Variants in FAM184A observed in about 807,000 individuals in gnomAD.
The protein encoded by FAM184A is family with sequence similarity 184 member A, also known as protein FAM184A.
In FAM184A, 99 loss-of-function variants were observed where a neutral mutation model predicts 143.8. That is an observed-to-expected ratio of 0.69 (90% CI 0.58 to 0.81). FAM184A has a LOEUF of 0.81. FAM184A is among the 40% of genes least tolerant of loss of function. FAM184A has a pLI of 0.00. For missense variants in FAM184A, 1,217 were observed against 1,310.5 expected, an observed-to-expected ratio of 0.93 and a Z score of 1.10; for synonymous variants, 427 against 446.4, an observed-to-expected ratio of 0.96 and a Z score of 0.55.
At chr6:119,085,197 T>G (rs1245080075) in intron 1 of FAM184A, among the ~76,000 whole-genome samples, 1 of 152,242 alleles carries the variant, frequency 6.6e-6, no homozygotes, top group Non-Finnish European at 1.5e-5. Flanking sequence ...ATGCTCTGTT[T>G]CCCTTTTAAA....
chr6:119,014,646 A>C (rs921590912), intron 5 of FAM184A, among the ~76,000 whole-genome samples: 1 of 152,256 alleles, frequency 6.6e-6, no homozygotes, highest in African/African-American at 2.4e-5. Flanking sequence ...ATTATGGCTT[A>C]TATGAAGTAG....
rs753698062 is a variant in FAM184A, at chr6:119,003,661, A to G, written c.1816-39T>C. ...ACTTTTCAATGAAGACTAAACTTCA[A>G]AAACAAACACTGCTGGTTATTTTAA... On this transcript the variant is annotated intron_variant, in intron 7 of 17. Transcript: ENST00000338891. 4 of 1,564,688 alleles carry G rather than the reference A, an allele frequency of 2.6e-6. No homozygotes were observed. In the Admixed American group the frequency reaches 5.8e-5, roughly 23 times the overall value.
rs763022397 is a variant in FAM184A, at chr6:118,964,773, T to C, written c.3034-2A>G. 1.3e-6 allele frequency: 2 copies of C among 1,481,936 alleles called. No individual in the cohort carries two copies. Among genetic ancestry groups the C allele is most frequent in the Middle Eastern group, 3.5e-4 (2 of 5,714 alleles). The allele number at this position is 1,481,936 out of a possible 1,614,324, so 91.8% of individuals were successfully genotyped here. A position where few individuals can be genotyped will look rare whatever the true frequency, so the allele number is the denominator to read the frequency against. On this transcript the variant is annotated splice_acceptor_variant, in intron 15 of 17. Transcript: ENST00000338891. LOFTEE classifies it high-confidence loss of function. ...CAGCTGATAAAACTTATTATCCTCC[T>C]ATGCAAAAGAATTATAAACATCTTT...
At chr6:119,058,929 C>T (rs1175049324) in intron 1 of FAM184A, among the ~76,000 whole-genome samples, 1 of 151,804 alleles carries the variant, frequency 6.6e-6, no homozygotes, top group East Asian at 1.9e-4. Flanking sequence ...AATTTGTAAC[C>T]ATAATATAAT....
At chr6:119,079,250 GTGTA>G (rs1475554667), upstream of FAM184A, 10 of 152,248 alleles carry the variant, frequency 6.6e-5, no homozygotes, top group Admixed American at 6.5e-4. Context: ...TCAGTGCTGA[GTGTA>G]TGTGTGGAGG....
intron 9 of FAM184A, among the ~76,000 whole-genome samples, chr6:118,986,079 G>A (rs964664894): frequency 6.6e-6 from 1 of 152,164 alleles, no homozygotes; most frequent in African/African-American, 2.4e-5. Flanking sequence ...GGATCACGAG[G>A]TCAGGAGATC....
intron 1 of FAM184A, among the ~76,000 whole-genome samples, chr6:119,036,701 C>T (rs1385079304): frequency 6.6e-6 from 1 of 152,100 alleles, no homozygotes; most frequent in Admixed American, 6.5e-5. Flanking sequence ...ATGCTCAGTA[C>T]TTTTTTATAT....
At chr6:119,057,987 A>C (rs1455937565) in intron 1 of FAM184A, 1 of 151,430 alleles carries the variant, frequency 6.6e-6, no homozygotes, top group Non-Finnish European at 1.5e-5. Context: ...AAAAAAAAAA[A>C]AAACTTTGTG....
At chr6:119,111,424 G>A (rs973190703) in intron 1 of FAM184A, among the ~76,000 whole-genome samples, 5 of 152,136 alleles carry the variant, frequency 3.3e-5, no homozygotes, top group African/African-American at 9.7e-5. Context: ...GATGAAAAAC[G>A]GCTGGACGTG....
At chr6:119,004,872 G>T (rs188881675) in intron 7 of FAM184A, among the ~76,000 whole-genome samples, 1 of 152,306 alleles carries the variant, frequency 6.6e-6, no homozygotes, top group East Asian at 1.9e-4. Flanking sequence ...AATACTCAGT[G>T]CCAGGACAGC....
intron 9 of FAM184A, among the ~76,000 whole-genome samples, chr6:118,999,484 C>T (rs947873054): frequency 2.0e-5 from 3 of 152,054 alleles, no homozygotes; most frequent in African/African-American, 2.4e-5. Flanking sequence ...CTGTATTCCT[C>T]GTAATGCCTG....
chr6:119,127,951 C>A (rs2114871058), intron 1 of FAM184A, among the ~76,000 whole-genome samples: 1 of 152,268 alleles, frequency 6.6e-6, no homozygotes, highest in Non-Finnish European at 1.5e-5. Context: ...CTAAGCCCCT[C>A]AACCAACTAA....
chr6:119,096,038 A>C (rs1439829416), intron 1 of FAM184A, among the ~76,000 whole-genome samples: 1 of 151,854 alleles, frequency 6.6e-6, no homozygotes, highest in African/African-American at 2.4e-5. Context: ...ATCTCATTCC[A>C]CCTCTCCTCA....
chr6:118,980,032 A>C, intron 10 of FAM184A, 106 bp downstream of exon 10: 1 of 801,508 alleles, frequency 1.2e-6, no homozygotes, highest in Non-Finnish European at 2.0e-6. Flanking sequence ...TGGGTGACAG[A>C]GTGAGACCCT....
intron 14 of FAM184A, among the ~76,000 whole-genome samples, chr6:118,973,525 T>C (rs1037749783): frequency 3.9e-5 from 6 of 152,184 alleles, no homozygotes; most frequent in African/African-American, 1.4e-4. Flanking sequence ...CATTTGACTT[T>C]GACATGAAGG....
At chr6:119,106,060 G>A (rs926486445) in intron 1 of FAM184A, among the ~76,000 whole-genome samples, 3 of 152,008 alleles carry the variant, frequency 2.0e-5, no homozygotes, top group Non-Finnish European at 2.9e-5. Flanking sequence ...ATTGTCATTC[G>A]TGAATTGGAT....
rs1164724782 is a variant in FAM184A at position 118,966,891 on chromosome 6, T to A, written c.2977A>T (p.Ile993Phe). 1 of 1,591,390 alleles carries A rather than the reference T, an allele frequency of 6.3e-7. No homozygotes were observed. Among genetic ancestry groups the A allele is most frequent in the Non-Finnish European group, 8.6e-7 (1 of 1,162,164 alleles). Residue 993 changes from isoleucine to phenylalanine, a missense_variant, in exon 15 of 18, where the codon ATT (isoleucine) becomes TTT (phenylalanine). Transcript: ENST00000338891. ...GTAAGCATGGCTTTTAATTCTGTAA[T>A]CATCTGTATATCTTCTGGTTTTGAT... ...RESKPEDIQM[I>F]TELKAMLTER...
chr6:119,145,710 A>G (rs1772403252), intron 1 of FAM184A, among the ~76,000 whole-genome samples: 1 of 152,224 alleles, frequency 6.6e-6, no homozygotes, highest in Non-Finnish European at 1.5e-5. Flanking sequence ...ACCAACTATT[A>G]GGAAGAGTTA....
intron 1 of FAM184A, among the ~76,000 whole-genome samples, chr6:119,060,391 T>C (rs1430804307): frequency 6.6e-6 from 1 of 152,176 alleles, no homozygotes; most frequent in African/African-American, 2.4e-5. Context: ...CAGCTAATGG[T>C]ACTGGCAAGA....
Sources: gnomAD v4.1 joint callset for allele counts (sites outside exome capture counted in the v4.1 genomes callset) on GRCh38, gnomAD v4.1.1 for gene constraint, MANE v1.5 for transcripts, NCBI Gene and HGNC (gene_info 2026-07-23, HGNC 2026-07-21) for gene names.